PALM2AKAP2: variants seen among roughly 807,000 people sequenced by gnomAD.
PALM2AKAP2 encodes the protein PALM2-AKAP2 fusion protein.
A neutral mutation model predicts 71.5 loss-of-function variants in PALM2AKAP2; 37 were observed. The ratio of observed to expected loss-of-function variants is 0.52; its 90% CI spans 0.40 to 0.68. The LOEUF is 0.68. Ranked by LOEUF, PALM2AKAP2 falls within the 30% of genes least tolerant of loss-of-function variation. PALM2AKAP2 has a pLI of 0.00. For synonymous variants in PALM2AKAP2, 468 were observed against 478.8 expected (o/e 0.98, Z 0.29); for missense variants, 1,224 against 1,191.8 (o/e 1.03, Z -0.40).
chr9:109,691,746 C>T (rs1160598543), intron 1 of PALM2AKAP2, among the ~76,000 whole-genome samples: 1 of 148,028 alleles, frequency 6.8e-6, no homozygotes, highest in African/African-American at 2.5e-5. Context: ...ACCACCCATG[C>T]TTATATTCAA....
intron 1 of PALM2AKAP2, among the ~76,000 whole-genome samples, chr9:109,832,083 A>T (rs1340857112): frequency 6.6e-6 from 1 of 152,162 alleles, no homozygotes; most frequent in African/African-American, 2.4e-5. Context: ...AGGCAAGGGG[A>T]AGGCTCACTA....
intron 3 of PALM2AKAP2, among the ~76,000 whole-genome samples, chr9:109,903,266 G>A (rs1462132407): frequency 1.3e-5 from 2 of 152,016 alleles, no homozygotes; most frequent in African/African-American, 4.8e-5. Flanking sequence ...CATCAGCACC[G>A]AGACTGGCCT....
chr9:110,163,492 C>G lies in PALM2AKAP2; in HGVS notation c.2749-4907C>G, dbSNP rs1474409002. Among the ~76,000 whole-genome samples, 3 of 152,352 alleles carry G rather than the reference C, an allele frequency of 2.0e-5. No homozygotes were observed. In the South Asian group the frequency reaches 6.2e-4, roughly 32 times the overall value. ...CGTACTTCTCCCAGTTCCCTCCTCC[C>G]TTACAATCTCGCAGAGGTAACTATT... is the stretch of plus-strand genomic sequence containing the variant. On this transcript the variant is annotated intron_variant, in intron 3 of 3. Coordinates refer to ENST00000374525, the Ensembl canonical transcript of PALM2AKAP2.
intron 1 of PALM2AKAP2, among the ~76,000 whole-genome samples, chr9:110,106,556 T>C (rs1835125991): frequency 6.6e-6 from 1 of 152,078 alleles, no homozygotes; most frequent in South Asian, 2.1e-4. Flanking sequence ...AGGAGTATGA[T>C]GAGAAGAGGG....
intron 1 of PALM2AKAP2, among the ~76,000 whole-genome samples, chr9:109,810,572 G>C (rs1233391539): frequency 1.3e-5 from 2 of 152,136 alleles, no homozygotes; most frequent in Non-Finnish European, 2.9e-5. Flanking sequence ...AACACTGGGA[G>C]GTCTGGATTT....
intron 1 of PALM2AKAP2, among the ~76,000 whole-genome samples, chr9:109,695,757 G>A (rs957324162): frequency 2.6e-5 from 4 of 152,126 alleles, no homozygotes; most frequent in Non-Finnish European, 5.9e-5. Context: ...ATTATTTAAA[G>A]TGAAATAAGC....
At chr9:110,048,693 C>T, upstream of PALM2AKAP2, 1 of 1,540,228 alleles carries the variant, frequency 6.5e-7, no homozygotes, top group South Asian at 1.2e-5. Flanking sequence ...GCTACCACTC[C>T]CTGCAGATGC....
intron 3 of PALM2AKAP2, among the ~76,000 whole-genome samples, chr9:110,160,199 G>T (rs545038138): frequency 1.3e-5 from 2 of 152,290 alleles, no homozygotes; most frequent in East Asian, 1.9e-4. Context: ...CCACACATTT[G>T]GGGGGTAGAG....
At chr9:110,006,324 C>CTTTCTTTCTTTCTTTCTTTCTTTCTT (rs781207805) in intron 6 of PALM2AKAP2, among the ~76,000 whole-genome samples, 2 of 102,102 alleles carry the variant, frequency 2.0e-5, no homozygotes, top group African/African-American at 7.8e-5. Context: ...TTCCTTCCTT[C>CTTTCTTTCTTTCTTTCTTTCTTTCTT]TCTTTCTTTC....
intron 1 of PALM2AKAP2, among the ~76,000 whole-genome samples, chr9:110,058,195 T>C (rs928033551): frequency 6.6e-6 from 1 of 152,192 alleles, no homozygotes; most frequent in African/African-American, 2.4e-5. Context: ...CTCTAGGAAG[T>C]AGATCTTAAA....
At chr9:109,762,750 A>C (rs1178010041) in intron 1 of PALM2AKAP2, among the ~76,000 whole-genome samples, 1 of 152,218 alleles carries the variant, frequency 6.6e-6, no homozygotes, top group Non-Finnish European at 1.5e-5. Flanking sequence ...GATAATGGGA[A>C]ATTTTAAAAA....
At chr9:109,670,891 A>G (rs780604630) in intron 1 of PALM2AKAP2, among the ~76,000 whole-genome samples, 9 of 152,150 alleles carry the variant, frequency 5.9e-5, no homozygotes, top group African/African-American at 1.9e-4. Flanking sequence ...CCTTTTTCAT[A>G]TAATTGTTGG....
chr9:110,126,512 T>A (rs1303377104), intron 1 of PALM2AKAP2, among the ~76,000 whole-genome samples: 1 of 152,130 alleles, frequency 6.6e-6, no homozygotes. Context: ...CCTTGCAAAA[T>A]AATCTCCAGT....
exon 4 of PALM2AKAP2, chr9:110,168,714 T>G: frequency 1.8e-6 from 1 of 543,030 alleles, no homozygotes; most frequent in Non-Finnish European, 3.1e-6. Context: ...GAGAAAGGAC[T>G]TTTTTGGTGA....
chr9:110,144,320 G>C (rs1261391530), intron 2 of PALM2AKAP2, among the ~76,000 whole-genome samples: 1 of 152,226 alleles, frequency 6.6e-6, no homozygotes, highest in African/African-American at 2.4e-5. Flanking sequence ...GCTAGCTAAA[G>C]CTTATTGTGG....
intron 1 of PALM2AKAP2, among the ~76,000 whole-genome samples, chr9:110,134,734 T>G (rs1289648988): frequency 1.3e-5 from 2 of 152,136 alleles, no homozygotes; most frequent in East Asian, 3.9e-4. Context: ...TTCTAAGCAT[T>G]TAAAATTGTT....
At chr9:109,709,261 T>G (rs746207846) in intron 1 of PALM2AKAP2, among the ~76,000 whole-genome samples, 30 of 152,230 alleles carry the variant, frequency 2.0e-4, no homozygotes, top group Admixed American at 3.9e-4. Context: ...TGTAGTTATC[T>G]TGTCAAATCC....
chr9:109,908,812 A>G (rs866116050), intron 3 of PALM2AKAP2, among the ~76,000 whole-genome samples: 2,046 of 106,412 alleles, frequency 0.019, 46 homozygotes, highest in African/African-American at 0.09. Flanking sequence ...GCGTGTGCAC[A>G]CACACACACA....
At chr9:109,776,036 T>C (rs1353808643), upstream of PALM2AKAP2, among the ~76,000 whole-genome samples, 5 of 152,354 alleles carry the variant, frequency 3.3e-5, no homozygotes, top group African/African-American at 1.2e-4. Context: ...TTATGCATCA[T>C]TGTGATGTAT....
Sources: allele counts gnomAD v4.1 joint callset (sites outside exome capture counted in the v4.1 genomes callset), GRCh38; gene constraint gnomAD v4.1.1; transcripts MANE v1.5; gene names NCBI Gene and HGNC (gene_info 2026-07-23, HGNC 2026-07-21).